The following ANKRD6 variants were observed in gnomAD, a reference collection of about 807,000 sequenced individuals.
The protein encoded by ANKRD6 is ankyrin repeat domain-containing protein 6.
ANKRD6 carries 56 observed loss-of-function variants against 82.3 expected under a neutral mutation model. The ratio of observed to expected loss-of-function variants is 0.68; its 90% CI spans 0.55 to 0.85. The LOEUF (loss-of-function observed/expected upper bound fraction) is 0.85. ANKRD6 is among the 40% of genes least tolerant of loss of function. ANKRD6 has a pLI of 0.00. For synonymous variants in ANKRD6, 347 were observed against 352.1 expected (o/e 0.99, Z 0.16); for missense variants, 852 against 907.6 (o/e 0.94, Z 0.79).
intron 1 of ANKRD6, among the ~76,000 whole-genome samples, chr6:89,478,852 T>TA (rs781047626): frequency 4.6e-5 from 7 of 150,974 alleles, no homozygotes; most frequent in Admixed American, 3.3e-4. Flanking sequence ...TGAAGAGACA[T>TA]AGAGAAGATG....
At chr6:89,439,785 G>A (rs998354397) in intron 1 of ANKRD6, among the ~76,000 whole-genome samples, 7 of 152,060 alleles carry the variant, frequency 4.6e-5, no homozygotes, top group African/African-American at 1.4e-4. Flanking sequence ...TGCAAACCCC[G>A]CCTCCTGGGT....
intron 2 of ANKRD6, among the ~76,000 whole-genome samples, chr6:89,589,665 A>G (rs978518919): frequency 6.6e-6 from 1 of 152,110 alleles, no homozygotes; most frequent in Non-Finnish European, 1.5e-5. Flanking sequence ...CATGTAATTT[A>G]TTGCCTGCTG....
chr6:89,474,738 AAAACTG>A (rs1393311754), intron 1 of ANKRD6, among the ~76,000 whole-genome samples: 1 of 152,092 alleles, frequency 6.6e-6, no homozygotes, highest in Non-Finnish European at 1.5e-5. Flanking sequence ...TTTAAATCTG[AAAACTG>A]CCCACTACAG....
chr6:89,630,795 C>G lies in ANKRD6; in HGVS notation c.1975C>G (p.Arg659Gly). The stretch of plus-strand genomic sequence containing the variant: ...CAGCGAGCAGACTGGCCCTCACATT[C>G]GGGACACCTCCCAAGCTCTGGAGCT... ...TGSEQTGPHI[R>G]DTSQALELTQ... Residue 659 changes from arginine to glycine, a missense_variant, in exon 16 of 16, where the codon CGG becomes GGG. Physicochemically the swap from Arg to Gly is moderately radical, Grantham distance 125. Transcript: ENST00000339746. 6.2e-7 allele frequency: 1 copy of G among 1,613,878 alleles called. No individual in the cohort carries two copies. Among genetic ancestry groups the G allele is most frequent in the South Asian group, 1.1e-5 (1 of 91,080 alleles).
intron 2 of ANKRD6, among the ~76,000 whole-genome samples, chr6:89,595,135 G>T (rs112624528): frequency 1.3e-5 from 2 of 152,084 alleles, no homozygotes; most frequent in Non-Finnish European, 1.5e-5. Context: ...AGGCCAAGGC[G>T]GGTGGATCAT....
chr6:89,500,009 C>G (rs1022534605), intron 1 of ANKRD6, among the ~76,000 whole-genome samples: 2 of 152,164 alleles, frequency 1.3e-5, no homozygotes, highest in African/African-American at 4.8e-5. Flanking sequence ...GGCATCTGGG[C>G]TTATAATTTG....
chr6:89,513,831 ATC>A (rs1454610553), intron 1 of ANKRD6, among the ~76,000 whole-genome samples: 1 of 152,234 alleles, frequency 6.6e-6, no homozygotes, highest in Non-Finnish European at 1.5e-5. Context: ...GAACAAGGCA[ATC>A]TCTCCCTATT....
chr6:89,578,894 C>T (rs1192723422), intron 2 of ANKRD6, among the ~76,000 whole-genome samples: 2 of 152,184 alleles, frequency 1.3e-5, no homozygotes, highest in Admixed American at 6.5e-5. Flanking sequence ...CCCTGAGGCC[C>T]ACATGTAGGC....
At chr6:89,627,510 C>T (rs936929497) in intron 13 of ANKRD6, 73 bp from the exon 14 acceptor site, 1 of 1,427,882 alleles carries the variant, frequency 7.0e-7, no homozygotes, top group Non-Finnish European at 9.8e-7. Context: ...CCAAGCCCCT[C>T]TGCAGGAGCT....
chr6:89,464,913 G>A (rs1774651097), intron 1 of ANKRD6, among the ~76,000 whole-genome samples: 1 of 152,122 alleles, frequency 6.6e-6, no homozygotes, highest in South Asian at 2.1e-4. Flanking sequence ...AAGGGAGGAA[G>A]AATGGTGGTA....
intron 2 of ANKRD6, among the ~76,000 whole-genome samples, chr6:89,570,359 C>T (rs1043948317): frequency 6.6e-6 from 1 of 152,096 alleles, no homozygotes; most frequent in African/African-American, 2.4e-5. Flanking sequence ...CCATGCCTGG[C>T]CTTTCTTTTA....
chr6:89,622,326 C>T (rs1169742884), intron 10 of ANKRD6, among the ~76,000 whole-genome samples: 1 of 152,244 alleles, frequency 6.6e-6, no homozygotes, highest in Non-Finnish European at 1.5e-5. Flanking sequence ...GTAGCACTGC[C>T]TCTCTAACAC....
intron 1 of ANKRD6, among the ~76,000 whole-genome samples, chr6:89,499,587 C>T (rs1427925400): frequency 6.6e-6 from 1 of 152,082 alleles, no homozygotes; most frequent in Admixed American, 6.6e-5. Flanking sequence ...TGTTATTTAG[C>T]ACCTGCAGGC....
chr6:89,606,032 C>A lies in ANKRD6; in HGVS notation c.344C>A (p.Ala115Glu). Residue 115 changes from alanine (A) to glutamate (E), a missense_variant, in exon 5 of 16, where the codon GCA becomes GAA. Ala to Glu is a moderately radical substitution (Grantham distance 107). Transcript: ENST00000339746. ...GATGGGAATACAGCCTTGCATGAAGCATCCTGGCATGGTTTCAGCCAGTCA... is the reference window on the plus strand; with the variant it reads ...GATGGGAATACAGCCTTGCATGAAGAATCCTGGCATGGTTTCAGCCAGTCA... Reference protein sequence around the residue: ...DKDGNTALHEASWHGFSQSAK... With the variant: ...DKDGNTALHEESWHGFSQSAK... 1 of 1,596,366 alleles carries A rather than the reference C, an allele frequency of 6.3e-7. No individual in the cohort carries two copies. Among genetic ancestry groups the A allele is most frequent in the Non-Finnish European group, 8.5e-7 (1 of 1,170,820 alleles).
intron 2 of ANKRD6, among the ~76,000 whole-genome samples, chr6:89,579,575 A>G (rs1791986278): frequency 6.6e-6 from 1 of 151,836 alleles, no homozygotes; most frequent in African/African-American, 2.4e-5. Context: ...GTTCAAGACT[A>G]GTGAAATTCC....
intron 1 of ANKRD6, among the ~76,000 whole-genome samples, chr6:89,517,480 T>A (rs1442588877): frequency 6.6e-6 from 1 of 152,178 alleles, no homozygotes; most frequent in African/African-American, 2.4e-5. Context: ...TTCTGGTAGG[T>A]TGAAAGTTGT....
At chr6:89,623,810 G>T in intron 11 of ANKRD6, 62 bp from the exon 12 acceptor site, 1 of 1,520,856 alleles carries the variant, frequency 6.6e-7, no homozygotes, top group Non-Finnish European at 8.9e-7. Context: ...GGGCGCCACC[G>T]ACTGGTGTCA....
At chr6:89,522,785 G>T (rs1782038082) in intron 1 of ANKRD6, among the ~76,000 whole-genome samples, 1 of 152,170 alleles carries the variant, frequency 6.6e-6, no homozygotes, top group Non-Finnish European at 1.5e-5. Context: ...CAGAGTAGAT[G>T]AGGAGGAAGA....
intron 3 of ANKRD6, among the ~76,000 whole-genome samples, chr6:89,600,627 G>A (rs960955005): frequency 3.3e-5 from 5 of 152,136 alleles, no homozygotes; most frequent in South Asian, 2.1e-4. Context: ...GAAGGGCACT[G>A]TCTTTCTTAG....
Sources: allele counts gnomAD v4.1 joint callset (sites outside exome capture counted in the v4.1 genomes callset), GRCh38; gene constraint gnomAD v4.1.1; transcripts MANE v1.5; gene names NCBI Gene and HGNC (gene_info 2026-07-23, HGNC 2026-07-21).